LIG3: variants seen among roughly 807,000 people sequenced by gnomAD.
LIG3 encodes the protein ligase II, DNA, ATP-dependent.
LIG3 carries 58 observed loss-of-function variants against 110.9 expected under a neutral mutation model. That is an observed-to-expected ratio of 0.52 (90% confidence interval 0.42 to 0.65). The LOEUF is 0.65. LIG3 is among the 30% of genes least tolerant of loss of function. The probability of loss-of-function intolerance (pLI) is 0.00; values close to 1 mark genes in which losing one functional copy is unlikely to be tolerated. For synonymous variants in LIG3, 422 were observed against 472.8 expected, an observed-to-expected ratio of 0.89 and a Z score of 1.39; for missense variants, 1,094 against 1,273.8, an observed-to-expected ratio of 0.86 and a Z score of 2.15.
chr17:34,998,499 G>A (rs551362968), intron 13 of LIG3, 105 bp from the exon 14 acceptor site: 2 of 1,422,754 alleles, frequency 1.4e-6, no homozygotes, highest in African/African-American at 2.8e-5. Context: ...CTCTTACCCT[G>A]AGGGAGGGGC....
intron 1 of LIG3, among the ~76,000 whole-genome samples, 183 bp from the exon 2 acceptor site, chr17:34,982,819 G>A (rs1015323436): frequency 2.0e-5 from 3 of 152,072 alleles, no homozygotes; most frequent in Non-Finnish European, 4.4e-5. Flanking sequence ...ATCCTGCTGC[G>A]AGCTGGCTTT....
chr17:35,001,129 C>A, intron 16 of LIG3, 128 bp from the exon 17 acceptor site: 1 of 948,240 alleles, frequency 1.1e-6, no homozygotes, highest in Non-Finnish European at 1.6e-6. Flanking sequence ...TGGTCTCAAA[C>A]TCCTGACCTC....
chr17:34,993,507 T>A (rs977701294), intron 8 of LIG3, among the ~76,000 whole-genome samples: 1 of 152,212 alleles, frequency 6.6e-6, no homozygotes, highest in Admixed American at 6.5e-5. Flanking sequence ...TAAAAATGCC[T>A]CCTGGAGTCT....
At chr17:34,987,412 T>C (rs757065901) in intron 3 of LIG3, among the ~76,000 whole-genome samples, 13 of 152,270 alleles carry the variant, frequency 8.5e-5, no homozygotes, top group Non-Finnish European at 1.6e-4. Context: ...TTAGTATTTG[T>C]ACTGAAGTCT....
intron 1 of LIG3, among the ~76,000 whole-genome samples, chr17:34,982,602 G>A (rs921540257): frequency 9.3e-5 from 14 of 150,754 alleles, no homozygotes; most frequent in African/African-American, 2.9e-4. Flanking sequence ...AGCCAAGATC[G>A]CGCCAATGTA....
chr17:35,004,204 T>C, intron 19 of LIG3, 69 bp from the exon 20 acceptor site: 1 of 1,163,792 alleles, frequency 8.6e-7, no homozygotes. Flanking sequence ...TGTCCCGTGC[T>C]CATTTGGGTG....
Position 35,001,249 on chromosome 17 carries a change from C to T in LIG3, c.2332-8C>T, listed in dbSNP as rs768113846. ...ACCAGTGATGACCTGCTGGCTTACT[C>T]CTGACAGAAAGCTGCCGTGTGGGAG... On this transcript the variant is annotated splice_region_variant and splice_polypyrimidine_tract_variant and intron_variant, in intron 16 of 19. Coordinates refer to ENST00000378526, the MANE Select transcript of LIG3 (RefSeq NM_013975.4). The T allele has an allele frequency of 3.1e-6, 5 of 1,613,088 alleles. No individual in the cohort carries two copies. The highest frequency in any genetic ancestry group is 3.4e-6 in the Non-Finnish European group (4 of 1,179,256).
At chr17:34,985,127 G>A (rs952623844) in intron 2 of LIG3, among the ~76,000 whole-genome samples, 2 of 152,132 alleles carry the variant, frequency 1.3e-5, no homozygotes, top group Non-Finnish European at 2.9e-5. Context: ...ATATGTGCGT[G>A]TATATGCATG....
chr17:34,991,629 A>C, intron 5 of LIG3, 42 bp from the exon 6 acceptor site: 1 of 1,605,578 alleles, frequency 6.2e-7, no homozygotes, highest in Non-Finnish European at 8.5e-7. Context: ...ACACTTGGCC[A>C]CCCTAGGGTT....
rs3136010 is a variant in LIG3, at chr17:34,998,468, A to G, written c.1990-136A>G. The G allele has an allele frequency of 1.8e-3, 2,139 of 1,189,832 alleles. 49 individuals carry two copies. In the South Asian group the frequency reaches 0.028, roughly 16 times the overall value. 73.7% of individuals were successfully genotyped at this position (1,189,832 alleles called of 1,614,324 possible). On this transcript the variant is annotated intron_variant, in intron 13 of 19. Coordinates refer to ENST00000378526, the MANE Select transcript of LIG3 (RefSeq NM_013975.4). ...TGGAGGACTGCTTTGTGTGTCTCCT[A>G]TAGTGCCTGGAGCCTGAGGGCTCTT...
chr17:34,999,017 G>A (rs148860249), intron 14 of LIG3: 2 of 504,670 alleles, frequency 4.0e-6, no homozygotes, highest in East Asian at 3.1e-5. Context: ...TTTCCTGACT[G>A]GAAAGGAAGC....
In LIG3 at chr17:34,992,616, A is replaced by C. The variant is rs1470071593; in HGVS notation, c.1379A>C (p.Glu460Ala). 1.9e-6 allele frequency: 3 copies of C among 1,613,818 alleles called. No individual in the cohort carries two copies. Among genetic ancestry groups the C allele is most frequent in the Non-Finnish European group, 2.5e-6 (3 of 1,179,890 alleles). Reference sequence around the variant, plus strand: ...GAGCGGGTCCTTCACAACGCGCAGGAGGTGGAGAAGGAGCCGGGCCAGAGA... The same window carrying C: ...GAGCGGGTCCTTCACAACGCGCAGGCGGTGGAGAAGGAGCCGGGCCAGAGA... ...VVERVLHNAQ[E>A]VEKEPGQRRA... The change falls in exon 8 of 20, where the codon GAG becomes GCG. Residue 460 changes from glutamate (E) to alanine (A), a missense_variant. Transcript: ENST00000378526.
chr17:34,990,951 T>C lies in LIG3; in HGVS notation c.890-12T>C, dbSNP rs1419701353. 6.2e-7 allele frequency: 1 copy of C among 1,612,996 alleles called. No homozygotes were observed. Among genetic ancestry groups the C allele is most frequent in the African/African-American group, 1.3e-5 (1 of 75,002 alleles). On this transcript the variant is annotated splice_polypyrimidine_tract_variant and intron_variant, in intron 4 of 19. Transcript: ENST00000378526. ...AGCTCTATTTCTCAAGAAGGGTTCC[T>C]TCTGTCTCCAGATGGTTTCCACGGT...
chr17:34,999,749 G>C (rs1472448009), intron 15 of LIG3, 33 bp from the exon 16 acceptor site: 58 of 1,588,618 alleles, frequency 3.7e-5, no homozygotes, highest in Non-Finnish European at 5.0e-5. Flanking sequence ...TCCAGGTTGG[G>C]AACAGCCCAA....
At position 34,991,045 on chromosome 17, in the gene LIG3, G is replaced by A. The variant is rs2090714644; in HGVS notation, c.972G>A (p.Lys324=). 1.2e-6 allele frequency: 2 copies of A among 1,614,174 alleles called. No homozygotes were observed. Among genetic ancestry groups the A allele is most frequent in the South Asian group, 1.1e-5 (1 of 91,084 alleles). Residue 324 remains lysine (K), a synonymous_variant, in exon 5 of 20, where the codon AAG becomes AAA. Coordinates refer to ENST00000378526, the MANE Select transcript of LIG3 (RefSeq NM_013975.4). ...VIKTVYNLND[K]QIVKLFSRIF... ...AGACTGTTTACAACTTGAACGATAA[G>A]CAGATTGTGAAGCTTTTCAGTCGCA...
chr17:35,001,213 C>A (rs377460517), intron 16 of LIG3, 44 bp from the exon 17 acceptor site: 3 of 1,597,480 alleles, frequency 1.9e-6, no homozygotes, highest in South Asian at 2.2e-5. Context: ...GCCACTGATA[C>A]TATCTTCTTA....
Position 35,001,324 on chromosome 17 carries a change from T to A in LIG3, c.2399T>A (p.Ile800Asn), listed in dbSNP as rs2090839302. ...TCGGAGGCTCATACAGCTGACGGGA[T>A]CTCCATCCGATTCCCTCGCTGCACC... Reference protein sequence around the residue: ...SKSEAHTADGISIRFPRCTRI... With the variant: ...SKSEAHTADGNSIRFPRCTRI... Residue 800 changes from isoleucine to asparagine, a missense_variant, in exon 17 of 20, where the codon ATC becomes AAC. Ile to Asn is a moderately radical substitution (Grantham distance 149, BLOSUM62 -3). Coordinates refer to ENST00000378526, the MANE Select transcript of LIG3 (RefSeq NM_013975.4). 6.2e-7 allele frequency: 1 copy of A among 1,613,958 alleles called. No individual in the cohort carries two copies. Among genetic ancestry groups the A allele is most frequent in the Non-Finnish European group, 8.5e-7 (1 of 1,179,998 alleles).
intron 16 of LIG3, among the ~76,000 whole-genome samples, chr17:35,000,364 T>C (rs1222013069): frequency 6.6e-6 from 1 of 152,184 alleles, no homozygotes; most frequent in Non-Finnish European, 1.5e-5. Context: ...GTTCAAGTGA[T>C]TCTCCTGCTT....
In LIG3 at chr17:34,999,108, G is replaced by A. The variant is rs190504477; in HGVS notation, c.2114-199G>A. The A allele has an allele frequency of 2.2e-5, 13 of 598,394 alleles. No individual in the cohort carries two copies. The African/African-American group carries it at 2.4e-4, about 11-fold the overall frequency. 37.1% of individuals were successfully genotyped at this position (598,394 alleles called of 1,614,324 possible). ...AATGCCCCAGAGCCCAACAGGTTGG[G>A]TGTGATTATCCCTCATTTACAGAAG... On this transcript the variant is annotated intron_variant, in intron 14 of 19. Transcript: ENST00000378526.
Sources: gnomAD v4.1 joint callset for allele counts (sites outside exome capture counted in the v4.1 genomes callset) on GRCh38, gnomAD v4.1.1 for gene constraint, MANE v1.5 for transcripts, NCBI Gene and HGNC (gene_info 2026-07-23, HGNC 2026-07-21) for gene names.